The following EFCAB13 variants were observed in gnomAD, a reference collection of about 807,000 sequenced individuals.
The protein encoded by EFCAB13 is EF-hand calcium binding domain 13, also known as EF-hand calcium-binding domain-containing protein 13.
In EFCAB13, 91 loss-of-function variants were observed where a neutral mutation model predicts 110.2. That is an observed-to-expected ratio of 0.83 (90% confidence interval 0.70 to 0.98). The LOEUF (loss-of-function observed/expected upper bound fraction) is 0.98, where lower values mean the gene tolerates loss of function less well. EFCAB13 is among the 50% of genes least tolerant of loss of function. EFCAB13 has a pLI of 0.00. For missense variants in EFCAB13, 968 were observed against 1,119.4 expected, an observed-to-expected ratio of 0.86 and a Z score of 1.93; for synonymous variants, 323 against 369.9, an observed-to-expected ratio of 0.87 and a Z score of 1.45.
chr17:47,363,025 C>T (rs1293431005), intron 10 of EFCAB13, among the ~76,000 whole-genome samples: 4 of 152,222 alleles, frequency 2.6e-5, no homozygotes, highest in East Asian at 3.9e-4. Flanking sequence ...CTCTCGTCTC[C>T]GCACACGGGG....
chr17:47,324,935 C>G (rs1390293779), intron 2 of EFCAB13, among the ~76,000 whole-genome samples: 3 of 147,370 alleles, frequency 2.0e-5, no homozygotes, highest in African/African-American at 7.6e-5. Context: ...CTTACCACCC[C>G]ACCCAGATGG....
rs1201134110 is a variant in EFCAB13, at chr17:47,404,667, A to G, written c.2233+34A>G. 8.0e-6 allele frequency: 12 copies of G among 1,506,312 alleles called. No individual in the cohort carries two copies. The Admixed American group carries it at 1.4e-4, about 17-fold the overall frequency. The allele number at this position is 1,506,312 out of a possible 1,614,324, so 93.3% of individuals were successfully genotyped here. ...TTTATGGTAATACTGTTAGAAGGCA[A>G]TGATACAGAACTTATTCAAAGTTCA... On this transcript the variant is annotated intron_variant, in intron 20 of 24. Coordinates refer to ENST00000331493, the MANE Select transcript of EFCAB13 (RefSeq NM_152347.5).
intron 14 of EFCAB13, among the ~76,000 whole-genome samples, chr17:47,388,069 G>A (rs1390919319): frequency 6.6e-6 from 1 of 152,208 alleles, no homozygotes; most frequent in Non-Finnish European, 1.5e-5. Context: ...CTCTGATTTG[G>A]TGTCTCCTTT....
chr17:47,387,833 T>C (rs2065685032), intron 14 of EFCAB13, among the ~76,000 whole-genome samples: 1 of 152,242 alleles, frequency 6.6e-6, no homozygotes, highest in Non-Finnish European at 1.5e-5. Flanking sequence ...TTTTTGCACT[T>C]TGCCTGTTGA....
chr17:47,331,843 G>A (rs943802535), intron 4 of EFCAB13, among the ~76,000 whole-genome samples: 66 of 151,964 alleles, frequency 4.3e-4, no homozygotes, highest in Non-Finnish European at 1.8e-4. Flanking sequence ...CATTCAGGTC[G>A]GGCTTTTTTC....
intron 4 of EFCAB13, chr17:47,329,760 T>C (rs1409348768): frequency 6.6e-6 from 1 of 152,130 alleles, no homozygotes; most frequent in Non-Finnish European, 1.5e-5. Context: ...CAGGTTTTTC[T>C]GTCTTTTTAG....
chr17:47,430,309 G>A, intron 24 of EFCAB13: 1 of 697,902 alleles, frequency 1.4e-6, no homozygotes, highest in Non-Finnish European at 1.8e-6. Flanking sequence ...AAATTATGAT[G>A]ATATCCAGGG....
At chr17:47,347,015 G>A (rs1265487850) in intron 8 of EFCAB13, among the ~76,000 whole-genome samples, 1 of 152,070 alleles carries the variant, frequency 6.6e-6, no homozygotes, top group African/African-American at 2.4e-5. Context: ...TCCCAGCACT[G>A]CGGAAGGCCA....
intron 9 of EFCAB13, among the ~76,000 whole-genome samples, chr17:47,349,759 C>CTTTTTT (rs1162133822): frequency 1.3e-5 from 1 of 76,140 alleles, no homozygotes; most frequent in Non-Finnish European, 2.5e-5. Flanking sequence ...GCTGATGTTT[C>CTTTTTT]TTTTTTTTTT....
intron 10 of EFCAB13, among the ~76,000 whole-genome samples, chr17:47,364,612 C>T (rs747876648): frequency 7.2e-5 from 11 of 152,126 alleles, no homozygotes; most frequent in African/African-American, 1.7e-4. Context: ...CTCTTTATCT[C>T]CCTATCTTAG....
intron 17 of EFCAB13, among the ~76,000 whole-genome samples, chr17:47,401,634 G>A (rs2065779135): frequency 7.0e-6 from 1 of 143,204 alleles, no homozygotes. Flanking sequence ...TGAGAACTCA[G>A]CCTGACTTTT....
At position 47,374,522 on chromosome 17, in the gene EFCAB13, T is replaced by C. The variant is rs777028069; in HGVS notation, c.928T>C (p.Ser310Pro). ...LNEITSDRKL[S>P]SVAGCYLKYK... ...TGAAATTACTTCAGACAGAAAGTTA[T>C]CAAGTGTAGCAGGATGCTATCTAAA... Residue 310 changes from serine (S) to proline (P), a missense_variant, in exon 12 of 25, where the codon TCA becomes CCA. Physicochemically the swap from Ser to Pro is moderately conservative, Grantham distance 74. Coordinates refer to ENST00000331493, the MANE Select transcript of EFCAB13 (RefSeq NM_152347.5). 1 of 1,562,616 alleles carries C rather than the reference T, an allele frequency of 6.4e-7. No homozygotes were observed. The highest frequency in any genetic ancestry group is 2.2e-5 in the Admixed American group (1 of 46,076).
intron 9 of EFCAB13, among the ~76,000 whole-genome samples, chr17:47,352,114 G>A (rs1165447090): frequency 2.0e-5 from 3 of 151,674 alleles, no homozygotes; most frequent in Non-Finnish European, 4.4e-5. Context: ...GTGTTAGCCA[G>A]GATGGTCTCG....
rs186420029 is a variant in EFCAB13 at position 47,338,742 on chromosome 17, A to G, written c.192-3179A>G. Among the ~76,000 whole-genome samples, 393 of 152,186 alleles carry G rather than the reference A, an allele frequency of 2.6e-3. 1 individual carries two copies. The highest frequency in any genetic ancestry group is 3.7e-3 in the Non-Finnish European group (255 of 68,024). The stretch of plus-strand genomic sequence containing the variant: ...AATAGTTGAAAGTCCTTGCTTTGAG[A>G]CTAGAGGACTGCAGAGGGATCTAAT... On this transcript the variant is annotated intron_variant, in intron 5 of 24. Transcript: ENST00000331493.
chr17:47,440,608 A>C lies in EFCAB13; in HGVS notation c.2816A>C (p.Lys939Thr). Reference sequence around the variant, plus strand: ...TCGATAGTTAAAGCACAGGTAAGTAAGAAGCAATACAATATGAATATAAAA... The same window carrying C: ...TCGATAGTTAAAGCACAGGTAAGTACGAAGCAATACAATATGAATATAAAA... The part of the protein sequence containing the change: ...QDSIVKAQVS[K>T]KQYNMNIKQH... The change falls in exon 25 of 25, where the codon AAG (lysine) becomes ACG (threonine). Residue 939 changes from lysine to threonine, a missense_variant. Physicochemically the swap from Lys to Thr is moderately conservative, Grantham distance 78 (BLOSUM62 -1). Transcript: ENST00000331493. The C allele has an allele frequency of 6.2e-7, 1 of 1,612,978 alleles. No individual in the cohort carries two copies. Among genetic ancestry groups the C allele is most frequent in the Non-Finnish European group, 8.5e-7 (1 of 1,179,520 alleles).
At chr17:47,403,392 A>G (rs188844961) in intron 18 of EFCAB13, among the ~76,000 whole-genome samples, 9 of 152,322 alleles carry the variant, frequency 5.9e-5, no homozygotes, top group Admixed American at 5.2e-4. Flanking sequence ...TCCTGGAGCC[A>G]GACTTTGAAT....
At chr17:47,373,984 T>TTAA (rs1336762524) in intron 11 of EFCAB13, among the ~76,000 whole-genome samples, 1 of 152,162 alleles carries the variant, frequency 6.6e-6, no homozygotes, top group Non-Finnish European at 1.5e-5. Flanking sequence ...GGGCATTGTG[T>TTAA]TAATAATTTT....
At chr17:47,420,329 T>G (rs1045889851) in intron 23 of EFCAB13, among the ~76,000 whole-genome samples, 14 of 152,246 alleles carry the variant, frequency 9.2e-5, no homozygotes, top group African/African-American at 3.4e-4. Flanking sequence ...TGCCTTGGCC[T>G]CCCAAAGTGC....
At chr17:47,432,700 C>CATTGGCT (rs1392895383) in intron 24 of EFCAB13, among the ~76,000 whole-genome samples, 1 of 152,114 alleles carries the variant, frequency 6.6e-6, no homozygotes, top group Non-Finnish European at 1.5e-5. Flanking sequence ...AGTATAGCAA[C>CATTGGCT]ATTGGCTATC....
Sources: allele counts gnomAD v4.1 joint callset (sites outside exome capture counted in the v4.1 genomes callset), GRCh38; gene constraint gnomAD v4.1.1; transcripts MANE v1.5; gene names NCBI Gene and HGNC (gene_info 2026-07-23, HGNC 2026-07-21).